The following PDE3A variants were observed in gnomAD, a reference collection of about 807,000 sequenced individuals.
The protein encoded by PDE3A is phosphodiesterase 3A, also known as cGMP-inhibited 3',5'-cyclic phosphodiesterase 3A.
A neutral mutation model predicts 98.3 loss-of-function variants in PDE3A; 43 were observed. The ratio of observed to expected loss-of-function variants is 0.44; its 90% confidence interval spans 0.34 to 0.56. The LOEUF (loss-of-function observed/expected upper bound fraction) is 0.56. PDE3A is among the 20% of genes least tolerant of loss of function. The pLI is 0.01. For synonymous variants in PDE3A, 663 were observed against 567.9 expected (o/e 1.17, Z -2.38); for missense variants, 1,427 against 1,440.7 (o/e 0.99, Z 0.15).
intron 2 of PDE3A, among the ~76,000 whole-genome samples, chr12:20,606,445 A>G (rs1239914716): frequency 2.0e-5 from 3 of 152,202 alleles, no homozygotes; most frequent in Admixed American, 6.5e-5. Flanking sequence ...AGAAAATTTT[A>G]GAAACTTAGA....
intron 14 of PDE3A, among the ~76,000 whole-genome samples, chr12:20,651,115 A>C (rs1484664318): frequency 6.6e-6 from 1 of 152,180 alleles, no homozygotes; most frequent in African/African-American, 2.4e-5. Flanking sequence ...ACTTTTGTAA[A>C]AAAATTAATA....
chr12:20,526,492 G>A (rs1337446368), intron 1 of PDE3A, among the ~76,000 whole-genome samples: 1 of 152,074 alleles, frequency 6.6e-6, no homozygotes, highest in African/African-American at 2.4e-5. Context: ...AAGTCATCAT[G>A]GAAAAATAAA....
At chr12:20,677,431 G>C (rs1731966183) in intron 15 of PDE3A, among the ~76,000 whole-genome samples, 1 of 150,780 alleles carries the variant, frequency 6.6e-6, no homozygotes, top group African/African-American at 2.4e-5. Flanking sequence ...CTGTGTATCT[G>C]GTGTAGCAGT....
chr12:20,582,366 T>C (rs1425710145), intron 2 of PDE3A, among the ~76,000 whole-genome samples: 1 of 152,024 alleles, frequency 6.6e-6, no homozygotes, highest in Non-Finnish European at 1.5e-5. Context: ...ATGTTTTTTG[T>C]ATTTTTTTGT....
intron 1 of PDE3A, among the ~76,000 whole-genome samples, chr12:20,379,991 A>G (rs1454901709): frequency 6.6e-6 from 1 of 151,850 alleles, no homozygotes; most frequent in Non-Finnish European, 1.5e-5. Flanking sequence ...TTCATATTTT[A>G]GAAAAATAAA....
Position 20,552,050 on chromosome 12 carries a change from A to C in PDE3A, c.961-4610A>C. 6.2e-7 allele frequency: 1 copy of C among 1,612,342 alleles called. No homozygotes were observed. The highest frequency in any genetic ancestry group is 8.5e-7 in the Non-Finnish European group (1 of 1,179,882). On this transcript the variant is annotated intron_variant, in intron 1 of 15. Transcript: ENST00000359062. This position sits in a 1 kb window ranked among gnomAD's most constrained non-coding sequence, Gnocchi z 5.1. ...TACGAGGATGACGTGGACCATGGGAATTTTTTCACATACACGGGTAGTGGT... is the reference window on the plus strand; with the variant it reads ...TACGAGGATGACGTGGACCATGGGACTTTTTTCACATACACGGGTAGTGGT...
At chr12:20,422,893 A>G (rs1944543933) in intron 1 of PDE3A, among the ~76,000 whole-genome samples, 1 of 152,194 alleles carries the variant, frequency 6.6e-6, no homozygotes, top group African/African-American at 2.4e-5. Context: ...TTACATGTTT[A>G]TTTGGAGGAC....
chr12:20,584,808 A>T (rs899647718), intron 2 of PDE3A, among the ~76,000 whole-genome samples: 4 of 151,756 alleles, frequency 2.6e-5, no homozygotes, highest in African/African-American at 9.7e-5. Context: ...GGCAATTTTC[A>T]TTTTTTTTAT....
rs1944787853 is a variant in PDE3A at position 20,646,844 on chromosome 12, A to G, written c.2459A>G (p.Asn820Ser). 1 of 1,613,000 alleles carries G rather than the reference A, an allele frequency of 6.2e-7. No individual in the cohort carries two copies. The change falls in exon 12 of 16, where the codon AAT becomes AGT. Residue 820 changes from asparagine (N) to serine (S), a missense_variant. By Grantham distance (46) the Asn-to-Ser change is conservative. Coordinates refer to ENST00000359062, the MANE Select transcript of PDE3A (RefSeq NM_000921.5). ...GATAAATACGGATGTCTGTCTGGGA[A>G]TATCCCTGCCTTGGAGTTGATGGCG... ...TDDKYGCLSGNIPALELMALY... is the reference protein window; with the variant it reads ...TDDKYGCLSGSIPALELMALY...
Position 20,552,948 on chromosome 12 carries a change from G to C in PDE3A, c.961-3712G>C, listed in dbSNP as rs1173763156. On this transcript the variant is annotated intron_variant, in intron 1 of 15. Coordinates refer to ENST00000359062, the MANE Select transcript of PDE3A (RefSeq NM_000921.5). This position sits in a 1 kb window ranked among gnomAD's most constrained non-coding sequence, Gnocchi z 5.1. ...ACCTGGGCCGCAGCTATGCCATGCA[G>C]GTGAACCAGCCTCTGCAGACCGTCC... The C allele has an allele frequency of 5.1e-6, 8 of 1,572,172 alleles. No homozygotes were observed. Among genetic ancestry groups the C allele is most frequent in the Non-Finnish European group, 6.9e-6 (8 of 1,159,470 alleles).
At chr12:20,646,319 G>T (rs957834629) in intron 10 of PDE3A, among the ~76,000 whole-genome samples, 171 bp from the exon 11 acceptor site, 1 of 152,166 alleles carries the variant, frequency 6.6e-6, no homozygotes, top group South Asian at 2.1e-4. Context: ...TACGATGGAT[G>T]TTATGGAGTT....
Position 20,684,711 on chromosome 12 carries a change from A to T in PDE3A, c.*4440A>T, listed in dbSNP as rs1945905000. On this transcript the variant is annotated 3_prime_UTR_variant, in exon 16 of 16. Transcript: ENST00000359062. ...GATTAAGAAATCAGCAATTTTAGGT[A>T]AAGAATATTCCAAGATTAAATTGTT... Among the ~76,000 whole-genome samples the T allele has an allele frequency of 6.6e-6, 1 of 152,234 alleles. No homozygotes were observed. The highest frequency in any genetic ancestry group is 2.1e-4 in the South Asian group (1 of 4,832).
At chr12:20,653,552 C>T (rs555931811) in intron 14 of PDE3A, among the ~76,000 whole-genome samples, 6 of 152,170 alleles carry the variant, frequency 3.9e-5, no homozygotes, top group Admixed American at 2.0e-4. Flanking sequence ...TTAATAGAGA[C>T]GGAGTTTCAC....
intron 1 of PDE3A, among the ~76,000 whole-genome samples, chr12:20,386,015 TAAA>T (rs1299687903): frequency 1.2e-5 from 1 of 84,074 alleles, no homozygotes; most frequent in Non-Finnish European, 2.3e-5. Flanking sequence ...TAAATATATA[TAAA>T]ATATATATAT....
chr12:20,496,073 A>G, intron 1 of PDE3A, among the ~76,000 whole-genome samples: 1 of 152,186 alleles, frequency 6.6e-6, no homozygotes, highest in South Asian at 2.1e-4. Flanking sequence ...ACAAATAAGC[A>G]AAGGTTACAG....
chr12:20,476,222 A>T (rs1423463862), intron 1 of PDE3A, among the ~76,000 whole-genome samples: 1 of 152,222 alleles, frequency 6.6e-6, no homozygotes, highest in Non-Finnish European at 1.5e-5. Context: ...TATTATTGAC[A>T]AAATACTAAT....
At chr12:20,507,898 T>C (rs1946147955) in intron 1 of PDE3A, among the ~76,000 whole-genome samples, 1 of 152,084 alleles carries the variant, frequency 6.6e-6, no homozygotes, top group Non-Finnish European at 1.5e-5. Flanking sequence ...CCTTCCTCAC[T>C]GTGTATTCAC....
Position 20,642,122 on chromosome 12 carries a change from A to C in PDE3A, c.2251+2165A>C, listed in dbSNP as rs1007408445. Among the ~76,000 whole-genome samples, 6 of 152,274 alleles carry C rather than the reference A, an allele frequency of 3.9e-5. No homozygotes were observed. In the Middle Eastern group the frequency reaches 0.021, roughly 544 times the overall value. On this transcript the variant is annotated intron_variant, in intron 10 of 15. Coordinates refer to ENST00000359062, the MANE Select transcript of PDE3A (RefSeq NM_000921.5). The stretch of plus-strand genomic sequence containing the variant: ...AATAAATCCTTAGTTGAAAAGAAGC[A>C]TAAGAGGAACCAAAGTTAAAATGGG...
At chr12:20,598,239 A>G (rs1010307584) in intron 2 of PDE3A, among the ~76,000 whole-genome samples, 1 of 151,314 alleles carries the variant, frequency 6.6e-6, no homozygotes, top group Non-Finnish European at 1.5e-5. Context: ...CTGGAGTGCA[A>G]TGGCGCGATC....
Sources: allele counts gnomAD v4.1 joint callset (sites outside exome capture counted in the v4.1 genomes callset), GRCh38; gene constraint gnomAD v4.1.1; non-coding constraint Gnocchi (gnomAD v3.1); transcripts MANE v1.5; gene names NCBI Gene and HGNC (gene_info 2026-07-23, HGNC 2026-07-21).